Variants in PCDHA10 observed in about 807,000 individuals in gnomAD.
PCDHA10 encodes protocadherin alpha 10, also known as protocadherin alpha-10.
Under a neutral mutation model 61.2 loss-of-function variants are expected in PCDHA10, and 45 were observed. That is an observed-to-expected ratio of 0.74 (90% CI 0.58 to 0.94). The LOEUF (loss-of-function observed/expected upper bound fraction) is 0.94. Among genes scored for constraint, PCDHA10 ranks in the 40% least tolerant of loss-of-function variants. The probability of loss-of-function intolerance (pLI) is 0.00; values close to 1 mark genes in which losing one functional copy is unlikely to be tolerated. For missense variants in PCDHA10, 1,278 were observed against 1,236.2 expected (o/e 1.03, Z -0.51); for synonymous variants, 602 against 548.8 (o/e 1.10, Z -1.35).
chr5:141,000,379 CTCTCTCTCTCTCTCTCTA>C (rs1224441934), intron 3 of PCDHA10, among the ~76,000 whole-genome samples: 4 of 60,364 alleles, frequency 6.6e-5, no homozygotes, highest in Non-Finnish European at 9.2e-5. Flanking sequence ...CTCTCTCTCT[CTCTCTCTCTCTCTCTCTA>C]TATATATATA....
intron 1 of PCDHA10, among the ~76,000 whole-genome samples, chr5:140,960,597 C>G (rs1315375637): frequency 1.3e-5 from 2 of 152,092 alleles, no homozygotes; most frequent in Non-Finnish European, 2.9e-5. Flanking sequence ...ATTCAAGGTA[C>G]TTCAACAATA....
At chr5:140,894,717 A>G (rs1349709964) in intron 1 of PCDHA10, among the ~76,000 whole-genome samples, 1 of 151,920 alleles carries the variant, frequency 6.6e-6, no homozygotes, top group Non-Finnish European at 1.5e-5. Flanking sequence ...GTTGTTTTCA[A>G]ATATTACGTA....
Position 140,981,745 on chromosome 5 carries a change from T to C in PCDHA10, c.2448-730T>C, listed in dbSNP as rs145941614. On this transcript the variant is annotated intron_variant, in intron 2 of 3. Coordinates refer to ENST00000307360, the MANE Select transcript of PCDHA10 (RefSeq NM_018901.4). ...CAAATATTTGAGAGATTAATATGAG[T>C]TAGTATTAGACATACATAAATGAAT... Among the ~76,000 whole-genome samples the C allele has an allele frequency of 1.1e-3, 160 of 152,294 alleles. 1 individual carries two copies. The East Asian group carries it at 0.027, about 25-fold the overall frequency.
At position 140,857,217 on chromosome 5, in the gene PCDHA10, C is replaced by T; in HGVS notation, c.1169C>T (p.Pro390Leu). The T allele has an allele frequency of 1.9e-6, 3 of 1,598,492 alleles. No individual in the cohort carries two copies. The highest frequency in any genetic ancestry group is 2.2e-5 in the South Asian group (2 of 90,550). ...ANGQVTCSLT[P>L]HVPFKLVSTY... ...GGACAGGTCACCTGCTCTCTGACGC[C>T]TCACGTTCCGTTCAAGCTGGTGTCC... is the stretch of plus-strand genomic sequence containing the variant. The change falls in exon 1 of 4, where the codon CCT (proline) becomes CTT (leucine). Residue 390 changes from proline (P) to leucine (L), a missense_variant. Physicochemically the swap from Pro to Leu is moderately conservative, Grantham distance 98. Transcript: ENST00000307360.
At chr5:140,928,466 T>C in intron 1 of PCDHA10, 13 of 1,614,140 alleles carry the variant, frequency 8.1e-6, no homozygotes, top group Non-Finnish European at 1.1e-5. Context: ...CATTTCCAAG[T>C]AGAAGGCCGG....
intron 1 of PCDHA10, chr5:140,862,434 T>C: frequency 2.8e-6 from 1 of 354,954 alleles, no homozygotes; most frequent in South Asian, 2.1e-5. Flanking sequence ...AAACTATTCG[T>C]TGGTACTCCA....
At chr5:140,877,705 G>A (rs974017564) in intron 1 of PCDHA10, 1 of 1,614,016 alleles carries the variant, frequency 6.2e-7, no homozygotes, top group South Asian at 1.1e-5. Flanking sequence ...CTCCAGCGCC[G>A]TGGGGAGTTG....
At chr5:140,866,125 C>T (rs577622922) in intron 1 of PCDHA10, 6 of 152,174 alleles carry the variant, frequency 3.9e-5, no homozygotes, top group East Asian at 1.9e-4. Flanking sequence ...ATAAGAACTA[C>T]GTATCTGTTG....
intron 1 of PCDHA10, among the ~76,000 whole-genome samples, chr5:140,893,581 T>C (rs1224207477): frequency 1.3e-5 from 2 of 152,216 alleles, no homozygotes; most frequent in African/African-American, 4.8e-5. Context: ...TTTTTGCTTG[T>C]TTGGGAAATA....
At chr5:140,887,494 CT>C (rs1439502451) in intron 1 of PCDHA10, among the ~76,000 whole-genome samples, 1 of 152,128 alleles carries the variant, frequency 6.6e-6, no homozygotes, top group Non-Finnish European at 1.5e-5. Flanking sequence ...TGCATAGTTT[CT>C]AATAAGATGT....
At chr5:140,909,868 G>A (rs782144709) in intron 1 of PCDHA10, among the ~76,000 whole-genome samples, 9 of 152,136 alleles carry the variant, frequency 5.9e-5, no homozygotes, top group Non-Finnish European at 8.8e-5. Flanking sequence ...TGGAGTCAAC[G>A]TCAGCTTAGA....
At chr5:140,967,253 C>T in intron 1 of PCDHA10, 4 of 1,613,546 alleles carry the variant, frequency 2.5e-6, no homozygotes, top group South Asian at 1.1e-5. Context: ...ATCGGTGGCG[C>T]CTGGAGCGCG....
chr5:140,950,720 T>C (rs2094512536), intron 1 of PCDHA10, among the ~76,000 whole-genome samples: 1 of 152,106 alleles, frequency 6.6e-6, no homozygotes, highest in South Asian at 2.1e-4. Flanking sequence ...CTTATATCCT[T>C]AAATTTTTTA....
intron 3 of PCDHA10, among the ~76,000 whole-genome samples, chr5:140,985,614 C>G (rs2097160648): frequency 6.6e-6 from 1 of 152,100 alleles, no homozygotes; most frequent in East Asian, 1.9e-4. Flanking sequence ...TTCCGTGAAC[C>G]AGCTGTGTAT....
intron 1 of PCDHA10, among the ~76,000 whole-genome samples, chr5:140,889,313 T>G (rs1554183863): frequency 6.6e-6 from 1 of 152,078 alleles, no homozygotes; most frequent in Non-Finnish European, 1.5e-5. Flanking sequence ...ACTGTTGAAG[T>G]TATCTGTATC....
At chr5:140,952,961 A>G (rs531904047) in intron 1 of PCDHA10, among the ~76,000 whole-genome samples, 1 of 152,158 alleles carries the variant, frequency 6.6e-6, no homozygotes, top group East Asian at 1.9e-4. Context: ...GGGAAGTGAT[A>G]CACACTTTTA....
At chr5:140,893,039 C>A (rs1024548713) in intron 1 of PCDHA10, among the ~76,000 whole-genome samples, 49 of 152,306 alleles carry the variant, frequency 3.2e-4, no homozygotes, top group African/African-American at 1.1e-3. Flanking sequence ...TAACATATGC[C>A]CTCCAGGCTC....
At chr5:140,914,030 G>T (rs2076568173) in intron 1 of PCDHA10, among the ~76,000 whole-genome samples, 1 of 152,298 alleles carries the variant, frequency 6.6e-6, no homozygotes, top group East Asian at 1.9e-4. Flanking sequence ...CACGTGCTGA[G>T]AAGAATGTGT....
intron 1 of PCDHA10, among the ~76,000 whole-genome samples, chr5:140,947,169 G>GTA (rs1235035694): frequency 1.3e-5 from 2 of 150,968 alleles, no homozygotes; most frequent in Non-Finnish European, 3.0e-5. Context: ...AGAAAATGTG[G>GTA]TATATATTCA....
Sources: gnomAD v4.1 joint callset for allele counts (sites outside exome capture counted in the v4.1 genomes callset) on GRCh38, gnomAD v4.1.1 for gene constraint, MANE v1.5 for transcripts, NCBI Gene and HGNC (gene_info 2026-07-23, HGNC 2026-07-21) for gene names.